The following ESR1 variants were observed in gnomAD, a reference collection of about 807,000 sequenced individuals.
ESR1 encodes the protein estrogen receptor 1.
Under a neutral mutation model 52.7 loss-of-function variants are expected in ESR1, and 12 were observed. The observed-to-expected ratio is 0.23, with a 90% confidence interval of 0.15 to 0.37. The LOEUF (loss-of-function observed/expected upper bound fraction) is 0.37. Ranked by LOEUF, ESR1 falls within the 10% of genes least tolerant of loss-of-function variation. The pLI is 1.00. For missense variants in ESR1, 584 were observed against 779.7 expected, an observed-to-expected ratio of 0.75 and a Z score of 2.99; for synonymous variants, 305 against 316.8, an observed-to-expected ratio of 0.96 and a Z score of 0.39.
intron 2 of ESR1, among the ~76,000 whole-genome samples, chr6:151,864,018 A>G (rs1296591982): frequency 6.6e-6 from 1 of 152,220 alleles, no homozygotes; most frequent in Non-Finnish European, 1.5e-5. Context: ...CTTCATGTCT[A>G]AAACACCAAA....
intron 6 of ESR1, among the ~76,000 whole-genome samples, chr6:152,075,574 T>G (rs2048676874): frequency 6.6e-6 from 1 of 152,228 alleles, no homozygotes. Flanking sequence ...CAACACTAGT[T>G]ATCTTTTTAA....
chr6:151,824,630 C>T (rs969085735), intron 1 of ESR1, among the ~76,000 whole-genome samples: 5 of 152,032 alleles, frequency 3.3e-5, no homozygotes, highest in African/African-American at 1.2e-4. Context: ...AAGAAGGATA[C>T]TTAAAGTATA....
intron 2 of ESR1, among the ~76,000 whole-genome samples, chr6:151,777,777 T>C (rs1786151761): frequency 6.6e-6 from 1 of 152,008 alleles, no homozygotes; most frequent in African/African-American, 2.4e-5. Context: ...GTGGCCAACA[T>C]GGGGAAATCC....
intron 2 of ESR1, among the ~76,000 whole-genome samples, chr6:151,743,578 T>G (rs1783257233): frequency 1.3e-5 from 2 of 152,182 alleles, no homozygotes; most frequent in Admixed American, 1.3e-4. Flanking sequence ...CATTTTATTT[T>G]CAGGTTTTAC....
Position 152,100,839 on chromosome 6 carries a change from A to C in ESR1, c.*1873A>C. 4.3e-6 allele frequency: 1 copy of C among 230,292 alleles called. No individual in the cohort carries two copies. The highest frequency in any genetic ancestry group is 8.6e-6 in the Non-Finnish European group (1 of 116,280). 14.3% of individuals were successfully genotyped at this position (230,292 alleles called of 1,614,324 possible). A position where few individuals can be genotyped will look rare whatever the true frequency, so the allele number is the denominator to read the frequency against. ...ACAATTTTATGTATCTGTGTTAAGG[A>C]TATGTTTAAGAACATAATTCTTTTG... On this transcript the variant is annotated 3_prime_UTR_variant, in exon 8 of 8. Transcript: ENST00000206249.
chr6:152,108,025 C>G (rs569069806), downstream of ESR1, among the ~76,000 whole-genome samples: 2 of 152,302 alleles, frequency 1.3e-5, no homozygotes, highest in South Asian at 4.1e-4. Flanking sequence ...AATTTTCAGG[C>G]TGTTTTCAAC....
At chr6:151,671,585 TAGG>T (rs772752292) in intron 1 of ESR1, among the ~76,000 whole-genome samples, 25 of 152,248 alleles carry the variant, frequency 1.6e-4, no homozygotes, top group Non-Finnish European at 3.2e-4. Flanking sequence ...TTTAGTTAGA[TAGG>T]AGGAGTAAGT....
chr6:152,082,467 A>G (rs1181355262), intron 6 of ESR1, among the ~76,000 whole-genome samples: 3 of 152,230 alleles, frequency 2.0e-5, no homozygotes, highest in Admixed American at 1.3e-4. Context: ...GTACCTCAAA[A>G]TAATAAGAGC....
chr6:151,667,753 C>T (rs527486267), intron 1 of ESR1, among the ~76,000 whole-genome samples: 20 of 152,226 alleles, frequency 1.3e-4, no homozygotes, highest in African/African-American at 4.6e-4. Flanking sequence ...AGGAGTTGCT[C>T]ATAAGTCTAC....
At chr6:151,872,433 C>T (rs1791131585) in intron 2 of ESR1, among the ~76,000 whole-genome samples, 1 of 152,218 alleles carries the variant, frequency 6.6e-6, no homozygotes, top group African/African-American at 2.4e-5. Context: ...AACTTCTTCA[C>T]ATCTTCTCTC....
chr6:151,956,879 T>A (rs1444052294), intron 4 of ESR1, among the ~76,000 whole-genome samples: 1 of 32,018 alleles, frequency 3.1e-5, no homozygotes. Flanking sequence ...TATATATATA[T>A]AAAATTTTTT....
chr6:151,701,176 G>C (rs1351869817), intron 1 of ESR1, among the ~76,000 whole-genome samples: 1 of 151,172 alleles, frequency 6.6e-6, no homozygotes, highest in East Asian at 1.9e-4. Flanking sequence ...TTGTTCTGCT[G>C]CTGCACATGT....
chr6:151,748,699 T>G (rs893684227), intron 2 of ESR1, among the ~76,000 whole-genome samples: 1 of 152,156 alleles, frequency 6.6e-6, no homozygotes, highest in Non-Finnish European at 1.5e-5. Flanking sequence ...TTTCCCATCT[T>G]GGCCAATGTG....
chr6:152,047,963 T>C (rs1013305007), intron 5 of ESR1, among the ~76,000 whole-genome samples: 1 of 147,308 alleles, frequency 6.8e-6, no homozygotes, highest in African/African-American at 2.5e-5. Context: ...AGCATTTTTT[T>C]TTTTTTTTTT....
chr6:151,960,952 T>C (rs1022956054), intron 4 of ESR1, among the ~76,000 whole-genome samples: 1 of 152,184 alleles, frequency 6.6e-6, no homozygotes, highest in Non-Finnish European at 1.5e-5. Context: ...AATTCAGTTA[T>C]GGATGATTAT....
At position 151,944,086 on chromosome 6, in the gene ESR1, G is replaced by C. The variant is rs1427801353; in HGVS notation, c.761-87G>C. 28 of 1,115,958 alleles carry C rather than the reference G, an allele frequency of 2.5e-5. No homozygotes were observed. The South Asian group carries it at 3.6e-4, about 15-fold the overall frequency. The allele number at this position is 1,115,958 out of a possible 1,614,324, so 69.1% of individuals were successfully genotyped here. A position where few individuals can be genotyped will look rare whatever the true frequency, so the allele number is the denominator to read the frequency against. ...TTGAAAGTATTTCTTCAAATAAAAT[G>C]AAAGCTGGTTAGCTTTGAAAATTTT... On this transcript the variant is annotated intron_variant, in intron 3 of 7. Transcript: ENST00000206249.
rs2050785345 is a variant in ESR1, at chr6:152,098,255, A to G, written c.1554-477A>G. On this transcript the variant is annotated intron_variant, in intron 7 of 7. Transcript: ENST00000206249. The surrounding 1 kb of genome is among the most constrained non-coding windows in gnomAD (Gnocchi z 5.1). ...GCATTTAGATCGTATTCTGAGTTAA[A>G]TGGGAAGTGACGTGAGAGATTTAAC... 6.6e-6 allele frequency among the ~76,000 whole-genome samples: 1 copy of G among 152,184 alleles called. No individual in the cohort carries two copies. Among genetic ancestry groups the G allele is most frequent in the South Asian group, 2.1e-4 (1 of 4,836 alleles).
chr6:152,119,720 C>A (rs2051255155), intron 6 of ESR1, among the ~76,000 whole-genome samples: 3 of 152,232 alleles, frequency 2.0e-5, no homozygotes, highest in Non-Finnish European at 4.4e-5. Context: ...CCTTACTATT[C>A]TTTAAACCAT....
intron 1 of ESR1, among the ~76,000 whole-genome samples, chr6:151,836,426 C>T (rs1783340743): frequency 6.6e-6 from 1 of 152,102 alleles, no homozygotes; most frequent in Non-Finnish European, 1.5e-5. Flanking sequence ...CATCAGATTT[C>T]ATGAGAAATA....
Sources: allele counts gnomAD v4.1 joint callset (sites outside exome capture counted in the v4.1 genomes callset), GRCh38; gene constraint gnomAD v4.1.1; non-coding constraint Gnocchi (gnomAD v3.1); transcripts MANE v1.5; gene names NCBI Gene and HGNC (gene_info 2026-07-23, HGNC 2026-07-21).